The following KMT2C variants were observed in gnomAD, a reference collection of about 807,000 sequenced individuals.
KMT2C encodes the protein lysine methyltransferase 2C, also known as histone-lysine N-methyltransferase 2C.
A neutral mutation model predicts 507.9 loss-of-function variants in KMT2C; 88 were observed. That is an observed-to-expected ratio of 0.17 (90% CI 0.15 to 0.21). The LOEUF (loss-of-function observed/expected upper bound fraction) is 0.21, where lower values mean the gene tolerates loss of function less well. Among genes scored for constraint, KMT2C ranks in the 10% least tolerant of loss-of-function variants. The pLI is 1.00. For synonymous variants in KMT2C, 2,049 were observed against 2,080.8 expected (o/e 0.98, Z 0.42); for missense variants, 4,954 against 5,957.8 (o/e 0.83, Z 5.55).
intron 1 of KMT2C, among the ~76,000 whole-genome samples, chr7:152,423,335 G>C (rs549261106): frequency 6.6e-6 from 1 of 152,160 alleles, no homozygotes; most frequent in African/African-American, 2.4e-5. Flanking sequence ...GCGAGACTCT[G>C]TCTCAGAAAA....
At chr7:152,284,391 ATAAT>A (rs2096265361) in intron 6 of KMT2C, among the ~76,000 whole-genome samples, 1 of 152,172 alleles carries the variant, frequency 6.6e-6, no homozygotes, top group African/African-American at 2.4e-5. Context: ...GAACTGCTAA[ATAAT>A]CCGTATGGAA....
intron 1 of KMT2C, among the ~76,000 whole-genome samples, chr7:152,434,857 C>T (rs2116814876): frequency 6.6e-6 from 1 of 152,270 alleles, no homozygotes; most frequent in Non-Finnish European, 1.5e-5. Context: ...AGGGAAGCGA[C>T]ATTTACATCT....
intron 23 of KMT2C, among the ~76,000 whole-genome samples, chr7:152,214,209 T>G (rs2094519401): frequency 6.6e-6 from 1 of 151,440 alleles, no homozygotes; most frequent in South Asian, 2.1e-4. Context: ...ACAATGCCTC[T>G]GTTGGGCATA....
At chr7:152,293,567 A>C (rs1301783674) in intron 6 of KMT2C, among the ~76,000 whole-genome samples, 13 of 152,146 alleles carry the variant, frequency 8.5e-5, no homozygotes, top group African/African-American at 2.4e-5. Context: ...ATGTAAGTTC[A>C]TATTATTCTC....
chr7:152,151,209 C>G (rs139263764), intron 50 of KMT2C, among the ~76,000 whole-genome samples: 3 of 152,190 alleles, frequency 2.0e-5, no homozygotes, highest in African/African-American at 2.4e-5. Flanking sequence ...CTATGTGGTC[C>G]ACGGTTCACT....
Position 152,196,013 on chromosome 7 carries a change from T to A in KMT2C, c.4274-2A>T. Reference sequence around the variant, plus strand: ...CAGCTAATGGGTCATCAGCAGGACCTAAATATAGTAAATATGTTTTTTAAA... The same window carrying A: ...CAGCTAATGGGTCATCAGCAGGACCAAAATATAGTAAATATGTTTTTTAAA... On this transcript the variant is annotated splice_acceptor_variant, in intron 27 of 58. Coordinates refer to ENST00000262189, the MANE Select transcript of KMT2C (RefSeq NM_170606.3). LOFTEE classifies it high-confidence loss of function. 6.7e-7 allele frequency: 1 copy of A among 1,502,704 alleles called. No homozygotes were observed. Among genetic ancestry groups the A allele is most frequent in the Non-Finnish European group, 9.1e-7 (1 of 1,099,002 alleles). The allele number at this position is 1,502,704 out of a possible 1,614,324, so 93.1% of individuals were successfully genotyped here. A position where few individuals can be genotyped will look rare whatever the true frequency, so the allele number is the denominator to read the frequency against.
Position 152,329,919 on chromosome 7 carries a change from G to A in KMT2C, c.389+682C>T, listed in dbSNP as rs564622561. Among the ~76,000 whole-genome samples the A allele has an allele frequency of 2.0e-5, 3 of 152,198 alleles. No homozygotes were observed. In the South Asian group the frequency reaches 6.2e-4, roughly 32 times the overall value. On this transcript the variant is annotated intron_variant, in intron 3 of 58. Transcript: ENST00000262189. The stretch of plus-strand genomic sequence containing the variant: ...CCAGCACTTTGGGAAGCCGAGGCAG[G>A]TGGATCATGAGATCAGGAGATCGAG...
chr7:152,251,398 G>C (rs572160185), intron 11 of KMT2C, among the ~76,000 whole-genome samples: 1 of 152,184 alleles, frequency 6.6e-6, no homozygotes, highest in South Asian at 2.1e-4. Context: ...AGTTATCCTT[G>C]AAGATGATAA....
At chr7:152,193,674 G>A (rs778459722) in intron 31 of KMT2C, among the ~76,000 whole-genome samples, 13 of 152,092 alleles carry the variant, frequency 8.5e-5, no homozygotes, top group Admixed American at 7.2e-4. Flanking sequence ...CCAGGTGAGC[G>A]GGGACAGTTC....
intron 1 of KMT2C, among the ~76,000 whole-genome samples, chr7:152,391,095 G>C (rs538970316): frequency 8.9e-6 from 1 of 112,938 alleles, no homozygotes; most frequent in South Asian, 3.2e-4. Flanking sequence ...AGTGAGCCGA[G>C]ATTGCACCAC....
chr7:152,281,743 C>CA (rs144376346), intron 6 of KMT2C, among the ~76,000 whole-genome samples: 3,997 of 134,544 alleles, frequency 0.03, 124 homozygotes, highest in African/African-American at 0.091. Flanking sequence ...AAAACAAAAA[C>CA]AAAAAAAAAA....
chr7:152,408,418 T>C (rs1288896894), intron 1 of KMT2C, among the ~76,000 whole-genome samples: 3 of 152,250 alleles, frequency 2.0e-5, no homozygotes, highest in African/African-American at 7.2e-5. Context: ...AAAATTATTC[T>C]AGAAGATAGT....
chr7:152,355,101 A>G (rs527305190), intron 2 of KMT2C, among the ~76,000 whole-genome samples: 1 of 152,336 alleles, frequency 6.6e-6, no homozygotes, highest in South Asian at 2.1e-4. Flanking sequence ...GGGTAGGTAA[A>G]GCCCTCCAGT....
intron 8 of KMT2C, among the ~76,000 whole-genome samples, chr7:152,263,590 C>G (rs1386553206): frequency 2.0e-5 from 3 of 152,150 alleles, no homozygotes; most frequent in Non-Finnish European, 2.9e-5. Context: ...TGTCACTAAA[C>G]AACTTAGACT....
At chr7:152,256,812 AC>A (rs147593504) in intron 9 of KMT2C, among the ~76,000 whole-genome samples, 2,793 of 152,268 alleles carry the variant, frequency 0.018, 85 homozygotes, top group African/African-American at 0.064. Flanking sequence ...TTGATACACC[AC>A]TTTTCGCCCA....
intron 1 of KMT2C, among the ~76,000 whole-genome samples, chr7:152,434,595 C>T (rs1250515664): frequency 6.6e-6 from 1 of 152,146 alleles, no homozygotes; most frequent in Non-Finnish European, 1.5e-5. Context: ...TATCATCTCA[C>T]GAAATGAGTA....
At chr7:152,142,527 T>C (rs1245474414) in intron 55 of KMT2C, among the ~76,000 whole-genome samples, 1 of 152,238 alleles carries the variant, frequency 6.6e-6, no homozygotes, top group African/African-American at 2.4e-5. Flanking sequence ...TTTAGAAAAC[T>C]GGCAATATCT....
At chr7:152,307,132 T>C (rs1461730271) in intron 6 of KMT2C, among the ~76,000 whole-genome samples, 1 of 145,402 alleles carries the variant, frequency 6.9e-6, no homozygotes, top group Non-Finnish European at 1.5e-5. Flanking sequence ...CTCTCCAGCC[T>C]GGACAACAGG....
intron 23 of KMT2C, among the ~76,000 whole-genome samples, chr7:152,215,151 C>G (rs1395406245): frequency 1.3e-5 from 2 of 151,868 alleles, no homozygotes; most frequent in Non-Finnish European, 2.9e-5. Flanking sequence ...AAGGAATTCA[C>G]CTTTGCAGGC....
Sources: gnomAD v4.1 joint callset for allele counts (sites outside exome capture counted in the v4.1 genomes callset) on GRCh38, gnomAD v4.1.1 for gene constraint, MANE v1.5 for transcripts, NCBI Gene and HGNC (gene_info 2026-07-23, HGNC 2026-07-21) for gene names.